Variants in MAP7D3 observed in about 807,000 individuals in gnomAD.
MAP7D3 encodes MAP7 domain-containing protein 3.
A neutral mutation model predicts 62.2 loss-of-function variants in MAP7D3; 45 were observed. The observed-to-expected ratio is 0.72, with a 90% CI of 0.57 to 0.93. MAP7D3 has a LOEUF of 0.93. Ranked by LOEUF, MAP7D3 falls within the 40% of genes least tolerant of loss-of-function variation. The pLI, the probability that MAP7D3 is intolerant of heterozygous loss-of-function variation, is 0.00. For missense variants in MAP7D3, 711 were observed against 683.1 expected (o/e 1.04, Z -0.45); for synonymous variants, 288 against 248.8 (o/e 1.16, Z -1.48).
Position 136,246,142 on chromosome X carries a change from T to A in MAP7D3, c.176A>T (p.Asp59Val). The part of the protein sequence containing the change: ...NIRSTFKPVI[D>V]GSMLKNDIKQ... Reference sequence around the variant, plus strand: ...TATGTCATTTTTAAGCATGGATCCATCGATTACTAAAAAAAAAAGAATATA... The same window carrying A: ...TATGTCATTTTTAAGCATGGATCCAACGATTACTAAAAAAAAAAGAATATA... Residue 59 changes from aspartate to valine, a missense_variant, in exon 3 of 19, where the codon GAT becomes GTT. Physicochemically the swap from Asp to Val is radical, Grantham distance 152 (BLOSUM62 -3). Coordinates refer to ENST00000316077, the MANE Select transcript of MAP7D3 (RefSeq NM_024597.4). 8.5e-7 allele frequency: 1 copy of A among 1,182,957 alleles called. No individual in the cohort carries two copies. Among genetic ancestry groups the A allele is most frequent in the Non-Finnish European group, 1.1e-6 (1 of 873,528 alleles).
chrX:136,244,584 C>T, intron 4 of MAP7D3, 48 bp downstream of exon 4: 1 of 1,124,314 alleles, frequency 8.9e-7, no homozygotes, highest in Non-Finnish European at 1.2e-6. Context: ...ATTCTAGACT[C>T]AGGCAACACA....
At chrX:136,244,517 T>TG (rs960487603) in intron 4 of MAP7D3, 115 bp downstream of exon 4, 6 of 599,040 alleles carry the variant, frequency 1.0e-5, no homozygotes, top group Non-Finnish European at 1.6e-5. Context: ...AAGAAAGAGC[T>TG]GGGATTGGTT....
chrX:136,245,521 G>A (rs1408695000), intron 3 of MAP7D3, among the ~76,000 whole-genome samples: 1 of 111,481 alleles, frequency 9.0e-6, no homozygotes, highest in African/African-American at 3.3e-5. Flanking sequence ...GCCGAGGTGG[G>A]TGGATCACGA....
chrX:136,246,036 T>G, intron 3 of MAP7D3, 29 bp downstream of exon 3: 1 of 1,076,503 alleles, frequency 9.3e-7, no homozygotes, highest in East Asian at 3.0e-5. Context: ...CAATTCATTT[T>G]GATTTTTGAA....
intron 6 of MAP7D3, among the ~76,000 whole-genome samples, chrX:136,240,107 G>A (rs990890519): frequency 1.8e-5 from 2 of 109,114 alleles, no homozygotes; most frequent in African/African-American, 3.3e-5. Flanking sequence ...TACTTGGGAG[G>A]CTGAGGCACG....
chrX:136,235,739 A>C (rs1313863722), intron 7 of MAP7D3, among the ~76,000 whole-genome samples: 2 of 109,705 alleles, frequency 1.8e-5, no homozygotes, highest in Non-Finnish European at 3.8e-5. Context: ...ACAGAGCGAG[A>C]CTCTATTTCA....
chrX:136,226,763 C>CAA (rs1270855740), intron 12 of MAP7D3, among the ~76,000 whole-genome samples: 4 of 111,904 alleles, frequency 3.6e-5, no homozygotes, highest in Non-Finnish European at 3.8e-5. Flanking sequence ...ACTAGGAAAA[C>CAA]ATTCTATGGT....
At chrX:136,252,676 C>CAAAAAAAAAAAAAAAAAAAAAAAAA (rs770751343), upstream of MAP7D3, among the ~76,000 whole-genome samples, 10 of 36,040 alleles carry the variant, frequency 2.8e-4, no homozygotes, top group African/African-American at 4.0e-4. Flanking sequence ...GACTCTGTCT[C>CAAAAAAAAAAAAAAAAAAAAAAAAA]AAAAAAAAAA....
chrX:136,222,348 C>T, intron 15 of MAP7D3, 45 bp downstream of exon 15: 1 of 1,007,913 alleles, frequency 9.9e-7, no homozygotes, highest in Non-Finnish European at 1.4e-6. Context: ...CAGAGGAGCC[C>T]CTGGATATGA....
chrX:136,252,676 C>CAAAAAAAAAAAAA (rs770751343), upstream of MAP7D3, among the ~76,000 whole-genome samples: 15 of 36,045 alleles, frequency 4.2e-4, no homozygotes, highest in Non-Finnish European at 5.7e-4. Context: ...GACTCTGTCT[C>CAAAAAAAAAAAAA]AAAAAAAAAA....
rs1454313665 is a variant in MAP7D3, at chrX:136,219,596, G to A, written c.2562C>T (p.Ser854=). 1 of 1,199,391 alleles carries A rather than the reference G, an allele frequency of 8.3e-7. No individual in the cohort carries two copies. Among genetic ancestry groups the A allele is most frequent in the East Asian group, 3.0e-5 (1 of 33,817 alleles). ...KADETNTTSR[S]SAQTKSEGFH... ...GCTGCTCATAATTCATACTAACAGA[G>A]GATCTGCTGGTGGTGTTGGTTTCAT... Residue 854 remains serine, a synonymous_variant, in exon 17 of 19, where the codon TCC becomes TCT. Transcript: ENST00000316077.
At chrX:136,215,079 G>A (rs1319562658), downstream of MAP7D3, 1 of 112,093 alleles carries the variant, frequency 8.9e-6, no homozygotes, top group African/African-American at 3.3e-5. Flanking sequence ...GAATGCTCTA[G>A]CATGTTCAGT....
upstream of MAP7D3, among the ~76,000 whole-genome samples, chrX:136,255,244 TA>T: frequency 9.0e-6 from 1 of 111,083 alleles, no homozygotes; most frequent in South Asian, 3.8e-4. Context: ...AAAAAGCAAA[TA>T]AAAAAAGAAA....
At chrX:136,236,100 G>C (rs1408747211) in intron 7 of MAP7D3, 144 bp downstream of exon 7, 1 of 413,347 alleles carries the variant, frequency 2.4e-6, no homozygotes, top group Non-Finnish European at 4.2e-6. Flanking sequence ...AGCCAAATAA[G>C]CATGGCACCA....
In MAP7D3 at chrX:136,241,347, TAAAATA is replaced by T. The variant is rs2074387729; in HGVS notation, c.418-76_418-71del. 1.1e-5 allele frequency: 7 copies of T among 623,697 alleles called. No homozygotes were observed. The East Asian group carries it at 3.0e-4, about 27-fold the overall frequency. The allele number at this position is 623,697 out of a possible 1,213,427, so 51.4% of individuals were successfully genotyped here. A position where few individuals can be genotyped will look rare whatever the true frequency, so the allele number is the denominator to read the frequency against. On this transcript the variant is annotated intron_variant, in intron 4 of 18. Transcript: ENST00000316077. ...TAGTATAATTTTGATCTGTGGTTTA[TAAAATA>T]AACCATAACCAAATTTCTGTCTCAG...
In MAP7D3 at chrX:136,232,192, C is replaced by T. The variant is rs144033910; in HGVS notation, c.765G>A (p.Gln255=). ...RVTGVTNYVM[Q]YVTVPLRKCT... is the part of the protein sequence containing the mutation. The stretch of plus-strand genomic sequence containing the variant: ...ATTTACGCAAGGGTACAGTGACATA[C>T]TGCATTACATAATTGGTGACGCCTG... The change falls in exon 8 of 19, where the codon CAG becomes CAA. Residue 255 remains glutamine, a synonymous_variant. Coordinates refer to ENST00000316077, the MANE Select transcript of MAP7D3 (RefSeq NM_024597.4). 1,371 of 1,201,508 alleles carry T rather than the reference C, an allele frequency of 1.1e-3. 9 individuals carry two copies. The African/African-American group carries it at 0.019, about 17-fold the overall frequency.
intron 13 of MAP7D3, among the ~76,000 whole-genome samples, chrX:136,225,357 C>T (rs2060217140): frequency 9.0e-6 from 1 of 111,576 alleles, no homozygotes; most frequent in African/African-American, 3.3e-5. Flanking sequence ...GGAATTCTCT[C>T]TCCTGTGCAC....
rs1569531914 is a variant in MAP7D3 at position 136,232,238 on chromosome X, A to G, written c.737-18T>C. The G allele has an allele frequency of 1.8e-6, 2 of 1,096,344 alleles. No homozygotes were observed. Among genetic ancestry groups the G allele is most frequent in the Admixed American group, 4.8e-5 (2 of 41,445 alleles). The allele number at this position is 1,096,344 out of a possible 1,213,427, so 90.4% of individuals were successfully genotyped here. Reference sequence around the variant, plus strand: ...GCCTGTAACTGAATGAGGACAGAGCATGAAATTCCCTAAGTTAGAAATCTG... The same window carrying G: ...GCCTGTAACTGAATGAGGACAGAGCGTGAAATTCCCTAAGTTAGAAATCTG... On this transcript the variant is annotated intron_variant, in intron 7 of 18. Coordinates refer to ENST00000316077, the MANE Select transcript of MAP7D3 (RefSeq NM_024597.4).
chrX:136,245,338 C>A (rs2074435328), intron 3 of MAP7D3, among the ~76,000 whole-genome samples: 1 of 112,040 alleles, frequency 8.9e-6, no homozygotes, highest in Non-Finnish European at 1.9e-5. Flanking sequence ...CTAAATGCTT[C>A]TGAAGTGTGA....
Sources: gnomAD v4.1 joint callset for allele counts (sites outside exome capture counted in the v4.1 genomes callset) on GRCh38, gnomAD v4.1.1 for gene constraint, MANE v1.5 for transcripts, NCBI Gene and HGNC (gene_info 2026-07-23, HGNC 2026-07-21) for gene names.